The following CFL2 variants were observed in gnomAD, a reference collection of about 807,000 sequenced individuals.
The protein encoded by CFL2 is cofilin-2.
Under a neutral mutation model 19.6 loss-of-function variants are expected in CFL2, and 10 were observed. The ratio of observed to expected loss-of-function variants is 0.51; its 90% CI spans 0.31 to 0.86. The LOEUF (loss-of-function observed/expected upper bound fraction) is 0.86, where lower values mean the gene tolerates loss of function less well. Among genes scored for constraint, CFL2 ranks in the 40% least tolerant of loss-of-function variants. The probability of loss-of-function intolerance (pLI) is 0.04; values close to 1 mark genes in which losing one functional copy is unlikely to be tolerated. For synonymous variants in CFL2, 63 were observed against 66.7 expected, an observed-to-expected ratio of 0.95 and a Z score of 0.27; for missense variants, 125 against 192.1, an observed-to-expected ratio of 0.65 and a Z score of 2.06.
At chr14:34,713,941 T>C (rs1288487419) in intron 1 of CFL2, 11 of 856,636 alleles carry the variant, frequency 1.3e-5, no homozygotes, top group Non-Finnish European at 1.7e-5. Flanking sequence ...TTAATGCTTC[T>C]ACTATTTTTT....
In CFL2 at chr14:34,710,102, G is replaced by C. The variant is rs967488538; in HGVS notation, c.*2763C>G. ...ATAAATTAGCTGCTACAAATGTTCT[G>C]TATCAGAGAAACTCAAACCCAGTAA... On this transcript the variant is annotated 3_prime_UTR_variant, in exon 4 of 4. Coordinates refer to ENST00000298159, the MANE Select transcript of CFL2 (RefSeq NM_138638.5). 1.3e-5 allele frequency: 2 copies of C among 153,914 alleles called. No homozygotes were observed. Among genetic ancestry groups the C allele is most frequent in the Non-Finnish European group, 2.9e-5 (2 of 69,284 alleles). The allele number at this position is 153,914 out of a possible 1,614,324, so 9.5% of individuals were successfully genotyped here.
rs1306484950 is a variant in CFL2, at chr14:34,711,279, C to A, written c.*1586G>T. ...CCACGACTGACTGCTTACTAGCATG[C>A]CTGTTTTGCATACCAGTAGAATCAA... is the stretch of plus-strand genomic sequence containing the variant. On this transcript the variant is annotated 3_prime_UTR_variant, in exon 4 of 4. Coordinates refer to ENST00000298159, the MANE Select transcript of CFL2 (RefSeq NM_138638.5). 5 of 454,396 alleles carry A rather than the reference C, an allele frequency of 1.1e-5. No individual in the cohort carries two copies. Among genetic ancestry groups the A allele is most frequent in the Non-Finnish European group, 1.8e-5 (4 of 226,802 alleles). 28.1% of individuals were successfully genotyped at this position (454,396 alleles called of 1,614,324 possible).
chr14:34,714,213 G>T, intron 1 of CFL2: 2 of 397,054 alleles, frequency 5.0e-6, no homozygotes, highest in South Asian at 5.2e-5. Context: ...AAAGCCTCGC[G>T]TGTTAAGTAA....
At position 34,713,455 on chromosome 14, in the gene CFL2, A is replaced by G; in HGVS notation, c.110T>C (p.Leu37Pro). ...EEIKKRKKAV[L>P]FCLSDDKRQI... ...TCTTTTGTCATCGCTTAAACAGAAG[A>G]GAACTGCTTTCTTTCTCTTTTTGAT... Residue 37 changes from leucine (L) to proline (P), a missense_variant, in exon 2 of 4, where the codon CTC becomes CCC. Transcript: ENST00000298159. 6.2e-7 allele frequency: 1 copy of G among 1,614,102 alleles called. No individual in the cohort carries two copies. The highest frequency in any genetic ancestry group is 8.5e-7 in the Non-Finnish European group (1 of 1,179,972).
rs761583450 is a variant in CFL2 at position 34,711,327 on chromosome 14, T to A, written c.*1538A>T. The A allele has an allele frequency of 1.8e-5, 8 of 454,406 alleles. No individual in the cohort carries two copies. The highest frequency in any genetic ancestry group is 6.8e-4 in the Middle Eastern group (1 of 1,466). The allele number at this position is 454,406 out of a possible 1,614,324, so 28.1% of individuals were successfully genotyped here. ...CAAGTCCAGTTTTGCCATTTGTGGA[T>A]AACTATGACAAGATACAAAAGCATG... On this transcript the variant is annotated 3_prime_UTR_variant, in exon 4 of 4. Transcript: ENST00000298159.
At position 34,711,645 on chromosome 14, in the gene CFL2, GAAATGT is replaced by G; in HGVS notation, c.*1214_*1219del. The G allele has an allele frequency of 2.2e-6, 1 of 446,686 alleles. No homozygotes were observed. Among genetic ancestry groups the G allele is most frequent in the South Asian group, 1.6e-5 (1 of 62,350 alleles). 27.7% of individuals were successfully genotyped at this position (446,686 alleles called of 1,614,324 possible). On this transcript the variant is annotated 3_prime_UTR_variant, in exon 4 of 4. Coordinates refer to ENST00000298159, the MANE Select transcript of CFL2 (RefSeq NM_138638.5). The stretch of plus-strand genomic sequence containing the variant: ...CCTGCTTCTACTATACAACTACTTA[GAAATGT>G]AAATGTGAATAAAAAAATAACTATG...
Position 34,711,960 on chromosome 14 carries a change from T to C in CFL2, c.*905A>G, listed in dbSNP as rs117658440. 253 of 454,362 alleles carry C rather than the reference T, an allele frequency of 5.6e-4. 1 individual carries two copies. The East Asian group carries it at 9.9e-3, about 18-fold the overall frequency. The allele number at this position is 454,362 out of a possible 1,614,324, so 28.1% of individuals were successfully genotyped here. On this transcript the variant is annotated 3_prime_UTR_variant, in exon 4 of 4. Transcript: ENST00000298159. ...GTAATAGCTGTTTTTACCCTAGAAG[T>C]TGTTTCACATAACATTTTGCAAAAT...
chr14:34,713,878 C>T, intron 1 of CFL2: 1 of 1,444,366 alleles, frequency 6.9e-7, no homozygotes, highest in Non-Finnish European at 9.2e-7. Flanking sequence ...GCAAAAATAC[C>T]TTCTGTATTG....
In CFL2 at chr14:34,712,260, A is replaced by G. The variant is rs138260417; in HGVS notation, c.*605T>C. ...ATTTCTTTTAAGAAGATATGCAGGT[A>G]ACAGGAATGAACACTGAGGTACTAG... On this transcript the variant is annotated 3_prime_UTR_variant, in exon 4 of 4. Coordinates refer to ENST00000298159, the MANE Select transcript of CFL2 (RefSeq NM_138638.5). 5.5e-4 allele frequency: 252 copies of G among 454,576 alleles called. 1 individual carries two copies. In the East Asian group the frequency reaches 9.9e-3, roughly 18 times the overall value. 28.2% of individuals were successfully genotyped at this position (454,576 alleles called of 1,614,324 possible).
intron 1 of CFL2, chr14:34,713,789 G>T: frequency 1.2e-6 from 2 of 1,606,186 alleles, no homozygotes; most frequent in South Asian, 1.1e-5. Flanking sequence ...ACGTGGAAGC[G>T]AAAGGGACAA....
chr14:34,710,362 T>A lies in CFL2; in HGVS notation c.*2503A>T, dbSNP rs1229145023. The A allele has an allele frequency of 4.1e-6, 1 of 244,388 alleles. No individual in the cohort carries two copies. Among genetic ancestry groups the A allele is most frequent in the Admixed American group, 5.2e-5 (1 of 19,246 alleles). 15.1% of individuals were successfully genotyped at this position (244,388 alleles called of 1,614,324 possible). A position where few individuals can be genotyped will look rare whatever the true frequency, so the allele number is the denominator to read the frequency against. On this transcript the variant is annotated 3_prime_UTR_variant, in exon 4 of 4. Coordinates refer to ENST00000298159, the MANE Select transcript of CFL2 (RefSeq NM_138638.5). ...AAAATCCTGAAAAACAGAATAAAGA[T>A]AATGATGCCTCTTTGATCTGAAATA...
At chr14:34,714,229 G>C in intron 1 of CFL2, 1 of 418,908 alleles carries the variant, frequency 2.4e-6, no homozygotes. Flanking sequence ...AGTAAAATTA[G>C]GAAGCGAAGG....
At position 34,712,853 on chromosome 14, in the gene CFL2, T is replaced by C. The variant is rs540447803; in HGVS notation, c.*12A>G. Reference sequence around the variant, plus strand: ...AAGCTCCTTAAGATCCAGATGGCACTTGACTGTCATTTTATAATGGTTTTC... The same window carrying C: ...AAGCTCCTTAAGATCCAGATGGCACCTGACTGTCATTTTATAATGGTTTTC... On this transcript the variant is annotated 3_prime_UTR_variant, in exon 4 of 4. Transcript: ENST00000298159. 2 of 1,350,692 alleles carry C rather than the reference T, an allele frequency of 1.5e-6. No homozygotes were observed. The highest frequency in any genetic ancestry group is 2.1e-6 in the Non-Finnish European group (2 of 939,812). 83.7% of individuals were successfully genotyped at this position (1,350,692 alleles called of 1,614,324 possible). A position where few individuals can be genotyped will look rare whatever the true frequency, so the allele number is the denominator to read the frequency against.
Position 34,711,958 on chromosome 14 carries a change from A to G in CFL2, c.*907T>C, listed in dbSNP as rs1195637914. Reference sequence around the variant, plus strand: ...TAGTAATAGCTGTTTTTACCCTAGAAGTTGTTTCACATAACATTTTGCAAA... The same window carrying G: ...TAGTAATAGCTGTTTTTACCCTAGAGGTTGTTTCACATAACATTTTGCAAA... On this transcript the variant is annotated 3_prime_UTR_variant, in exon 4 of 4. Coordinates refer to ENST00000298159, the MANE Select transcript of CFL2 (RefSeq NM_138638.5). 3 of 454,376 alleles carry G rather than the reference A, an allele frequency of 6.6e-6. No homozygotes were observed. The Admixed American group carries it at 7.0e-5, about 11-fold the overall frequency. 28.1% of individuals were successfully genotyped at this position (454,376 alleles called of 1,614,324 possible).
Position 34,711,419 on chromosome 14 carries a change from G to C in CFL2, c.*1446C>G. ...ACTGAGCAGATCAAATTCTCTATAA[G>C]GAGCACAGTCTGGACCATAGCCAAA... is the stretch of plus-strand genomic sequence containing the variant. On this transcript the variant is annotated 3_prime_UTR_variant, in exon 4 of 4. Transcript: ENST00000298159. 1 of 454,502 alleles carries C rather than the reference G, an allele frequency of 2.2e-6. No homozygotes were observed. Among genetic ancestry groups the C allele is most frequent in the Non-Finnish European group, 4.4e-6 (1 of 226,786 alleles). The allele number at this position is 454,502 out of a possible 1,614,324, so 28.2% of individuals were successfully genotyped here. A position where few individuals can be genotyped will look rare whatever the true frequency, so the allele number is the denominator to read the frequency against.
chr14:34,711,036 T>C lies in CFL2; in HGVS notation c.*1829A>G. On this transcript the variant is annotated 3_prime_UTR_variant, in exon 4 of 4. Transcript: ENST00000298159. ...GGAAGCCTGAAATAAAATTGCTCAG[T>C]GCAAAAAGATCCCAAACCATTCATA... The C allele has an allele frequency of 2.2e-6, 1 of 454,092 alleles. No individual in the cohort carries two copies. Among genetic ancestry groups the C allele is most frequent in the Non-Finnish European group, 4.4e-6 (1 of 226,790 alleles). The allele number at this position is 454,092 out of a possible 1,614,324, so 28.1% of individuals were successfully genotyped here.
rs1420020107 is a variant in CFL2 at position 34,710,969 on chromosome 14, C to G, written c.*1896G>C. ...TTTGCTTATCAGAGTTTGGCCTTAC[C>G]AAAAACCATCGAAATGTCCAGGATA... is the stretch of plus-strand genomic sequence containing the variant. On this transcript the variant is annotated 3_prime_UTR_variant, in exon 4 of 4. Coordinates refer to ENST00000298159, the MANE Select transcript of CFL2 (RefSeq NM_138638.5). The G allele has an allele frequency of 2.2e-6, 1 of 453,864 alleles. No individual in the cohort carries two copies. Among genetic ancestry groups the G allele is most frequent in the Non-Finnish European group, 4.4e-6 (1 of 226,786 alleles). The allele number at this position is 453,864 out of a possible 1,614,324, so 28.1% of individuals were successfully genotyped here.
In CFL2 at chr14:34,714,591, A is replaced by C; in HGVS notation, c.-51T>G. On this transcript the variant is annotated 5_prime_UTR_variant, in exon 1 of 4. Coordinates refer to ENST00000298159, the MANE Select transcript of CFL2 (RefSeq NM_138638.5). ...GCAGCTCGGGCTTCGGCTCTGTGGC[A>C]CTGGGAGGAGAAGGAGGGGCGGGCG... 7 of 1,467,318 alleles carry C rather than the reference A, an allele frequency of 4.8e-6. No homozygotes were observed. Among genetic ancestry groups the C allele is most frequent in the Non-Finnish European group, 6.5e-6 (7 of 1,070,562 alleles). 90.9% of individuals were successfully genotyped at this position (1,467,318 alleles called of 1,614,324 possible).
rs1281971860 is a variant in CFL2 at position 34,714,584 on chromosome 14, C to G, written c.-44G>C. 1.3e-6 allele frequency: 2 copies of G among 1,512,776 alleles called. No individual in the cohort carries two copies. Among genetic ancestry groups the G allele is most frequent in the East Asian group, 4.8e-5 (2 of 41,726 alleles). The allele number at this position is 1,512,776 out of a possible 1,614,324, so 93.7% of individuals were successfully genotyped here. A position where few individuals can be genotyped will look rare whatever the true frequency, so the allele number is the denominator to read the frequency against. ...TGCGGCGGCAGCTCGGGCTTCGGCTCTGTGGCACTGGGAGGAGAAGGAGGG... is the reference window on the plus strand; with the variant it reads ...TGCGGCGGCAGCTCGGGCTTCGGCTGTGTGGCACTGGGAGGAGAAGGAGGG... On this transcript the variant is annotated 5_prime_UTR_variant, in exon 1 of 4. Transcript: ENST00000298159.
Sources: gnomAD v4.1 joint callset for allele counts on GRCh38, gnomAD v4.1.1 for gene constraint, MANE v1.5 for transcripts, NCBI Gene and HGNC (gene_info 2026-07-23, HGNC 2026-07-21) for gene names.